EPM2A: variants seen among roughly 807,000 people sequenced by gnomAD.
EPM2A encodes EPM2A glucan phosphatase, laforin, also known as laforin.
A neutral mutation model predicts 26.5 loss-of-function variants in EPM2A; 21 were observed. The observed-to-expected ratio is 0.79, with a 90% confidence interval of 0.56 to 1.14. EPM2A has a LOEUF of 1.14. Ranked by LOEUF, EPM2A falls within the 50% of genes most tolerant of loss-of-function variation. The probability of loss-of-function intolerance (pLI) is 0.00; values close to 1 mark genes in which losing one functional copy is unlikely to be tolerated. For synonymous variants in EPM2A, 217 were observed against 177.6 expected (o/e 1.22, Z -1.76); for missense variants, 458 against 440.8 (o/e 1.04, Z -0.35).
chr6:145,574,143 C>G (rs1780997394), intron 2 of EPM2A, among the ~76,000 whole-genome samples: 1 of 152,116 alleles, frequency 6.6e-6, no homozygotes, highest in South Asian at 2.1e-4. Flanking sequence ...ACTGGCTCAA[C>G]TCTTGAAATT....
chr6:145,485,837 C>G (rs550251116), intron 4 of EPM2A, among the ~76,000 whole-genome samples: 1 of 152,156 alleles, frequency 6.6e-6, no homozygotes, highest in African/African-American at 2.4e-5. Context: ...GCACGTCTCA[C>G]GTGGCGGCAG....
intron 4 of EPM2A, among the ~76,000 whole-genome samples, chr6:145,402,688 G>C (rs1317538124): frequency 6.6e-6 from 1 of 152,138 alleles, no homozygotes; most frequent in African/African-American, 2.4e-5. Context: ...GGTGTAGACA[G>C]AGAAAGAGCA....
chr6:145,582,791 A>G (rs375074261), intron 2 of EPM2A, among the ~76,000 whole-genome samples: 116 of 152,274 alleles, frequency 7.6e-4, no homozygotes, highest in African/African-American at 2.5e-3. Context: ...AGAGACACCA[A>G]TGATTCATAG....
chr6:145,447,476 C>T (rs555282299), intron 4 of EPM2A, among the ~76,000 whole-genome samples: 1 of 152,150 alleles, frequency 6.6e-6, no homozygotes, highest in South Asian at 2.1e-4. Context: ...TGCCTTACCT[C>T]TAGTTTTCTT....
chr6:145,475,861 G>A (rs974630205), intron 4 of EPM2A, among the ~76,000 whole-genome samples: 1 of 151,834 alleles, frequency 6.6e-6, no homozygotes, highest in African/African-American at 2.4e-5. Context: ...TTTACTAGAA[G>A]AAGACAGAAA....
At chr6:145,453,206 T>C (rs1351014027) in intron 4 of EPM2A, among the ~76,000 whole-genome samples, 1 of 152,214 alleles carries the variant, frequency 6.6e-6, no homozygotes, top group African/African-American at 2.4e-5. Context: ...AACAGCGTAA[T>C]GTCATCTTTA....
In EPM2A at chr6:145,666,250, T is replaced by A. The variant is rs569581284; in HGVS notation, c.476+19872A>T. 9.2e-3 allele frequency among the ~76,000 whole-genome samples: 918 copies of A among 100,090 alleles called. 3 individuals are homozygous for A. The highest frequency in any genetic ancestry group is 0.017 in the Middle Eastern group (4 of 236). The allele number at this position is 100,090 out of a possible 152,430, so 65.7% of individuals were successfully genotyped here. On this transcript the variant is annotated intron_variant, in intron 2 of 3. Coordinates refer to ENST00000367519, the MANE Select transcript of EPM2A (RefSeq NM_005670.4). ...CCCTGTTTGCAGACGACATGATTGT[T>A]TATCTAGAAAACCCCATTGTCTCAG... is the stretch of plus-strand genomic sequence containing the variant.
chr6:145,525,010 GTT>G (rs1780251301), intron 2 of EPM2A, among the ~76,000 whole-genome samples: 1 of 151,968 alleles, frequency 6.6e-6, no homozygotes, highest in African/African-American at 2.4e-5. Context: ...TCTCAGCACA[GTT>G]TATTGAATAG....
At chr6:145,675,442 C>T (rs890674017) in intron 2 of EPM2A, among the ~76,000 whole-genome samples, 1 of 152,114 alleles carries the variant, frequency 6.6e-6, no homozygotes, top group Non-Finnish European at 1.5e-5. Flanking sequence ...GCAATATTAA[C>T]CTTAAATGTA....
At chr6:145,596,877 CTTTTTTTTT>C (rs869211299) in intron 2 of EPM2A, among the ~76,000 whole-genome samples, 2 of 73,498 alleles carry the variant, frequency 2.7e-5, no homozygotes, top group Admixed American at 1.8e-4. Context: ...TCTCCGAGAT[CTTTTTTTTT>C]TTTTTTTTTT....
rs150198136 is a variant in EPM2A at position 145,409,096 on chromosome 6, G to C, written c.556-24999C>G. ...TATCACAGTGCCATATCTAATTCTA[G>C]TCTTAAAATTTCTAAGCAAAAGAAA... On this transcript the variant is annotated intron_variant, in intron 4 of 4. Coordinates refer to the EPM2A transcript ENST00000638717. Among the ~76,000 whole-genome samples, 877 of 152,196 alleles carry C rather than the reference G, an allele frequency of 5.8e-3. 2 individuals carry two copies. The highest frequency in any genetic ancestry group is 8.5e-3 in the Non-Finnish European group (580 of 67,998).
Position 145,656,392 on chromosome 6 carries a change from C to T in EPM2A, c.477-20906G>A, listed in dbSNP as rs140319527. Among the ~76,000 whole-genome samples the T allele has an allele frequency of 1.5e-3, 231 of 152,304 alleles. 1 individual carries two copies. Among genetic ancestry groups the T allele is most frequent in the African/African-American group, 5.4e-3 (224 of 41,566 alleles). ...AGAGACCTCCAGCAGTCCACATCCCCACCACCAACTCCTGCAAACCTCACC... is the reference window on the plus strand; with the variant it reads ...AGAGACCTCCAGCAGTCCACATCCCTACCACCAACTCCTGCAAACCTCACC... On this transcript the variant is annotated intron_variant, in intron 2 of 3. Coordinates refer to ENST00000367519, the MANE Select transcript of EPM2A (RefSeq NM_005670.4).
chr6:145,464,467 T>C (rs1779362068), intron 4 of EPM2A, among the ~76,000 whole-genome samples: 1 of 152,134 alleles, frequency 6.6e-6, no homozygotes, highest in Non-Finnish European at 1.5e-5. Flanking sequence ...ACTGTGGAGA[T>C]TATTAAGCTT....
intron 4 of EPM2A, among the ~76,000 whole-genome samples, chr6:145,422,371 G>A (rs1778800962): frequency 6.7e-6 from 1 of 148,408 alleles, no homozygotes; most frequent in African/African-American, 2.5e-5. Flanking sequence ...TCCCAGTTTT[G>A]TACTTTTCAT....
At chr6:145,651,649 C>T (rs924782289) in intron 2 of EPM2A, among the ~76,000 whole-genome samples, 1 of 151,768 alleles carries the variant, frequency 6.6e-6, no homozygotes, top group Non-Finnish European at 1.5e-5. Flanking sequence ...TAGATTTACA[C>T]GAGGAAAGAA....
chr6:145,734,919 A>T, intron 1 of EPM2A: 1 of 224,278 alleles, frequency 4.5e-6, no homozygotes, highest in Non-Finnish European at 8.7e-6. Flanking sequence ...TGCGGAAACC[A>T]GGTCAGAGGG....
Position 145,385,469 on chromosome 6 carries a change from A to G in EPM2A, c.556-1372T>C, listed in dbSNP as rs75169729. On this transcript the variant is annotated intron_variant, in intron 4 of 4. Coordinates refer to the EPM2A transcript ENST00000638717. Reference sequence around the variant, plus strand: ...TTCTGATGATATAAATTAAACTCCCAGTTTTTTACTGAGTTTTTGTTTCAT... The same window carrying G: ...TTCTGATGATATAAATTAAACTCCCGGTTTTTTACTGAGTTTTTGTTTCAT... 8.0e-3 allele frequency among the ~76,000 whole-genome samples: 1,223 copies of G among 152,276 alleles called. 12 individuals are homozygous for G. Among genetic ancestry groups the G allele is most frequent in the African/African-American group, 0.028 (1,178 of 41,574 alleles).
At chr6:145,659,881 C>T (rs1188449862) in intron 2 of EPM2A, among the ~76,000 whole-genome samples, 3 of 152,110 alleles carry the variant, frequency 2.0e-5, no homozygotes, top group South Asian at 2.1e-4. Context: ...CAGATGTTTC[C>T]GTACCTTACT....
chr6:145,443,948 C>G (rs1256367020), intron 4 of EPM2A, among the ~76,000 whole-genome samples: 5 of 152,154 alleles, frequency 3.3e-5, no homozygotes, highest in African/African-American at 1.2e-4. Flanking sequence ...TGTGAGGCCT[C>G]CCCAGCCATG....
Sources: allele counts gnomAD v4.1 joint callset (sites outside exome capture counted in the v4.1 genomes callset), GRCh38; gene constraint gnomAD v4.1.1; transcripts MANE v1.5; gene names NCBI Gene and HGNC (gene_info 2026-07-23, HGNC 2026-07-21).